Variants in CPNE8 observed in about 807,000 individuals in gnomAD.
CPNE8 encodes the protein copine-8.
Under a neutral mutation model 81.5 loss-of-function variants are expected in CPNE8, and 45 were observed. The ratio of observed to expected loss-of-function variants is 0.55; its 90% CI spans 0.44 to 0.71. The LOEUF (loss-of-function observed/expected upper bound fraction) is 0.71. Ranked by LOEUF, CPNE8 falls within the 30% of genes least tolerant of loss-of-function variation. The pLI is 0.00. For missense variants in CPNE8, 594 were observed against 672.1 expected, an observed-to-expected ratio of 0.88 and a Z score of 1.28; for synonymous variants, 252 against 226.3, an observed-to-expected ratio of 1.11 and a Z score of -1.02.
At chr12:38,891,562 C>T (rs968104563) in intron 1 of CPNE8, among the ~76,000 whole-genome samples, 1 of 151,948 alleles carries the variant, frequency 6.6e-6, no homozygotes, top group African/African-American at 2.4e-5. Flanking sequence ...ATTCTCCTGC[C>T]TCAGCCTCCC....
chr12:38,797,785 A>C lies in CPNE8; in HGVS notation c.408-21484T>G, dbSNP rs181009296. 2.5e-3 allele frequency among the ~76,000 whole-genome samples: 384 copies of C among 152,274 alleles called. 3 individuals carry two copies. Among genetic ancestry groups the C allele is most frequent in the South Asian group, 0.024 (117 of 4,828 alleles). ...GAGGAAGTTTGAACCAATGGCAAAG[A>C]AGTTAAAAACTTTGAAAAAAATTTA... On this transcript the variant is annotated intron_variant, in intron 6 of 19. Coordinates refer to ENST00000331366, the MANE Select transcript of CPNE8 (RefSeq NM_153634.3).
chr12:38,745,294 GGATACTTCAACACA>G, intron 10 of CPNE8, among the ~76,000 whole-genome samples: 1 of 152,090 alleles, frequency 6.6e-6, no homozygotes, highest in South Asian at 2.1e-4. Context: ...AACACATCTG[GGATACTTCAACACA>G]GATGTGAACT....
At chr12:38,878,510 ACAGT>A (rs1334448692) in intron 1 of CPNE8, among the ~76,000 whole-genome samples, 2 of 152,174 alleles carry the variant, frequency 1.3e-5, no homozygotes, top group African/African-American at 4.8e-5. Context: ...CCTAAACACA[ACAGT>A]CAGTTAGCTC....
intron 1 of CPNE8, among the ~76,000 whole-genome samples, chr12:38,899,636 G>A (rs1423626929): frequency 6.6e-6 from 1 of 152,156 alleles, no homozygotes; most frequent in Admixed American, 6.5e-5. Flanking sequence ...AAAGCTGAAC[G>A]TTTGTGTGTA....
chr12:38,829,548 C>T, intron 5 of CPNE8, 93 bp from the exon 6 acceptor site: 2 of 827,446 alleles, frequency 2.4e-6, no homozygotes, highest in Non-Finnish European at 2.0e-6. Flanking sequence ...GTTTTCATTG[C>T]TGAAATATTG....
intron 15 of CPNE8, among the ~76,000 whole-genome samples, chr12:38,686,469 C>T (rs756794371): frequency 5.9e-5 from 9 of 152,176 alleles, no homozygotes; most frequent in Non-Finnish European, 7.4e-5. Flanking sequence ...TTTAATTCTC[C>T]TAGTCCAAAT....
chr12:38,823,607 T>C (rs975123823), intron 6 of CPNE8, among the ~76,000 whole-genome samples: 13 of 152,204 alleles, frequency 8.5e-5, no homozygotes, highest in Admixed American at 7.9e-4. Flanking sequence ...AGTAAGAATC[T>C]AGTTTCTAAT....
chr12:38,675,874 C>T, intron 17 of CPNE8, 100 bp from the exon 18 acceptor site: 1 of 781,628 alleles, frequency 1.3e-6, no homozygotes, highest in Non-Finnish European at 2.1e-6. Context: ...AATCCCAGCA[C>T]TGTGGGAGGC....
chr12:38,855,792 C>G (rs1943721931), intron 3 of CPNE8, among the ~76,000 whole-genome samples: 1 of 151,928 alleles, frequency 6.6e-6, no homozygotes, highest in South Asian at 2.1e-4. Context: ...TTTAATTATT[C>G]CCATAATGTA....
chr12:38,832,203 A>G (rs1422125944), intron 5 of CPNE8, among the ~76,000 whole-genome samples: 1 of 152,170 alleles, frequency 6.6e-6, no homozygotes, highest in East Asian at 1.9e-4. Flanking sequence ...CCCTGAATTA[A>G]AAACACCTGA....
intron 1 of CPNE8, among the ~76,000 whole-genome samples, chr12:38,881,279 G>A (rs17126737): frequency 6.6e-6 from 1 of 151,654 alleles, no homozygotes. Context: ...TAGCATCTAA[G>A]ATACCAAGTA....
At chr12:38,865,831 C>A (rs943262097) in intron 3 of CPNE8, among the ~76,000 whole-genome samples, 1 of 152,146 alleles carries the variant, frequency 6.6e-6, no homozygotes, top group Non-Finnish European at 1.5e-5. Flanking sequence ...AGCTAACAAC[C>A]AGCAAAGTTC....
chr12:38,878,176 C>T (rs1944095086), intron 1 of CPNE8, among the ~76,000 whole-genome samples: 1 of 152,176 alleles, frequency 6.6e-6, no homozygotes, highest in South Asian at 2.1e-4. Context: ...CAGCAGCCCT[C>T]GGCACTCCTC....
At chr12:38,883,376 A>G (rs553441027) in intron 1 of CPNE8, among the ~76,000 whole-genome samples, 34 of 152,372 alleles carry the variant, frequency 2.2e-4, no homozygotes, top group Non-Finnish European at 3.8e-4. Flanking sequence ...CAGAGACTCT[A>G]CAGAGAAAGA....
At chr12:38,705,897 C>T (rs1940095435) in intron 13 of CPNE8, among the ~76,000 whole-genome samples, 1 of 152,016 alleles carries the variant, frequency 6.6e-6, no homozygotes, top group Non-Finnish European at 1.5e-5. Context: ...TTTTATTTTA[C>T]ACACATAATA....
At chr12:38,703,668 C>A (rs1191429946) in intron 13 of CPNE8, among the ~76,000 whole-genome samples, 1 of 152,138 alleles carries the variant, frequency 6.6e-6, no homozygotes, top group Non-Finnish European at 1.5e-5. Context: ...TATCTCTCTT[C>A]ACACACCACT....
At chr12:38,814,962 C>A (rs1943000395) in intron 6 of CPNE8, among the ~76,000 whole-genome samples, 1 of 152,084 alleles carries the variant, frequency 6.6e-6, no homozygotes, top group African/African-American at 2.4e-5. Context: ...CCACATAAGA[C>A]CTGCAATACC....
intron 19 of CPNE8, among the ~76,000 whole-genome samples, chr12:38,668,153 T>G (rs1440732511): frequency 6.6e-6 from 1 of 152,180 alleles, no homozygotes; most frequent in Non-Finnish European, 1.5e-5. Context: ...TATATACCTA[T>G]GCTATTGGTA....
At chr12:38,831,348 A>G (rs1943282468) in intron 5 of CPNE8, among the ~76,000 whole-genome samples, 1 of 152,178 alleles carries the variant, frequency 6.6e-6, no homozygotes, top group Admixed American at 6.5e-5. Flanking sequence ...AGAGCAGTGT[A>G]TTCAGAAGAT....
Sources: allele counts gnomAD v4.1 joint callset (sites outside exome capture counted in the v4.1 genomes callset), GRCh38; gene constraint gnomAD v4.1.1; transcripts MANE v1.5; gene names NCBI Gene and HGNC (gene_info 2026-07-23, HGNC 2026-07-21).